CADM2: variants seen among roughly 807,000 people sequenced by gnomAD.
CADM2 encodes cell adhesion molecule 2, also known as immunoglobulin superfamily member 4D.
In CADM2, 12 loss-of-function variants were observed where a neutral mutation model predicts 49.8. The observed-to-expected ratio is 0.24, with a 90% CI of 0.15 to 0.39. The LOEUF (loss-of-function observed/expected upper bound fraction) is 0.39. CADM2 is among the 10% of genes least tolerant of loss of function. CADM2 has a pLI of 1.00. For missense variants in CADM2, 378 were observed against 492.3 expected (o/e 0.77, Z 2.20); for synonymous variants, 214 against 175.4 (o/e 1.22, Z -1.74).
At chr3:84,968,479 G>C (rs2031179631) in intron 1 of CADM2, among the ~76,000 whole-genome samples, 1 of 152,010 alleles carries the variant, frequency 6.6e-6, no homozygotes, top group African/African-American at 2.4e-5. Context: ...TTAATGTGTA[G>C]GTGGTATTCA....
intron 1 of CADM2, among the ~76,000 whole-genome samples, chr3:85,369,469 C>T (rs957838657): frequency 3.3e-5 from 5 of 152,102 alleles, no homozygotes; most frequent in African/African-American, 9.7e-5. Context: ...CCCATCTCTA[C>T]TGAAAATACA....
chr3:85,890,558 G>A (rs191171094), intron 5 of CADM2, among the ~76,000 whole-genome samples: 3 of 152,104 alleles, frequency 2.0e-5, no homozygotes, highest in Non-Finnish European at 2.9e-5. Context: ...ATAGATTATC[G>A]GACCCAGAAG....
chr3:85,430,744 C>T (rs2107520897), intron 1 of CADM2, among the ~76,000 whole-genome samples: 1 of 151,940 alleles, frequency 6.6e-6, no homozygotes, highest in East Asian at 1.9e-4. Context: ...AGATAAATAA[C>T]ACATTTGGAA....
chr3:85,962,608 G>A (rs1396355809), intron 8 of CADM2, among the ~76,000 whole-genome samples: 1 of 151,884 alleles, frequency 6.6e-6, no homozygotes. Context: ...GATATTGTTA[G>A]ATGGAGATGA....
At chr3:84,984,479 G>T (rs1214359178) in intron 1 of CADM2, among the ~76,000 whole-genome samples, 1 of 141,012 alleles carries the variant, frequency 7.1e-6, no homozygotes, top group Non-Finnish European at 1.5e-5. Context: ...CACCTCTATT[G>T]CCATAACCTT....
At chr3:85,016,666 A>G in intron 1 of CADM2, among the ~76,000 whole-genome samples, 1 of 151,930 alleles carries the variant, frequency 6.6e-6, no homozygotes, top group Non-Finnish European at 1.5e-5. Flanking sequence ...GAAGGTGCGC[A>G]CCTGTAATCC....
chr3:84,972,789 G>T (rs1346736714), intron 1 of CADM2, among the ~76,000 whole-genome samples: 3 of 152,188 alleles, frequency 2.0e-5, no homozygotes, highest in African/African-American at 7.2e-5. Flanking sequence ...AATGCTGGAT[G>T]TATAAATGAA....
intron 1 of CADM2, among the ~76,000 whole-genome samples, chr3:85,481,677 G>C (rs1011607724): frequency 6.6e-6 from 1 of 151,738 alleles, no homozygotes; most frequent in South Asian, 2.1e-4. Context: ...GAGAAGAAAA[G>C]CATTTAATAT....
intron 2 of CADM2, among the ~76,000 whole-genome samples, chr3:85,742,737 T>A (rs1402750249): frequency 6.6e-6 from 1 of 152,300 alleles, no homozygotes; most frequent in East Asian, 1.9e-4. Context: ...AATATGATCT[T>A]AGCATTTCAG....
chr3:85,803,760 G>A (rs964189603), intron 3 of CADM2, among the ~76,000 whole-genome samples: 1 of 151,948 alleles, frequency 6.6e-6, no homozygotes, highest in Non-Finnish European at 1.5e-5. Flanking sequence ...TCCACATTAT[G>A]GAGAATAATC....
intron 2 of CADM2, among the ~76,000 whole-genome samples, chr3:85,787,984 TG>T (rs987604083): frequency 4.6e-5 from 7 of 152,128 alleles, no homozygotes; most frequent in African/African-American, 1.2e-4. Flanking sequence ...CTGGCCCTGG[TG>T]TCTAACATTC....
At chr3:85,059,471 G>A (rs1416312156) in intron 1 of CADM2, among the ~76,000 whole-genome samples, 1 of 152,072 alleles carries the variant, frequency 6.6e-6, no homozygotes, top group Non-Finnish European at 1.5e-5. Flanking sequence ...ACTAAGAGTA[G>A]ACAAGTAAAT....
chr3:85,188,892 G>T (rs1326859977), intron 1 of CADM2, among the ~76,000 whole-genome samples: 2 of 151,632 alleles, frequency 1.3e-5, no homozygotes, highest in Non-Finnish European at 2.9e-5. Context: ...TTAGCCAGGC[G>T]TGGTGGCGGG....
intron 1 of CADM2, among the ~76,000 whole-genome samples, chr3:84,963,966 A>G (rs1431008120): frequency 6.6e-6 from 1 of 152,180 alleles, no homozygotes; most frequent in Non-Finnish European, 1.5e-5. Flanking sequence ...TGTGGCTTAA[A>G]TAGTCAAACA....
chr3:85,105,984 A>G (rs1225714130), intron 1 of CADM2, among the ~76,000 whole-genome samples: 1 of 152,106 alleles, frequency 6.6e-6, no homozygotes, highest in African/African-American at 2.4e-5. Flanking sequence ...TAGGAGATAT[A>G]CCTAATGCTA....
chr3:85,368,056 A>G (rs1454087593), intron 1 of CADM2, among the ~76,000 whole-genome samples: 1 of 152,110 alleles, frequency 6.6e-6, no homozygotes, highest in Non-Finnish European at 1.5e-5. Context: ...ACACACAAAA[A>G]TTAATTTTGG....
intron 1 of CADM2, among the ~76,000 whole-genome samples, chr3:85,431,619 G>A (rs887969178): frequency 1.3e-5 from 2 of 151,388 alleles, no homozygotes; most frequent in African/African-American, 4.8e-5. Context: ...ACCCTGAGGA[G>A]AAGGAAGGAT....
At chr3:85,456,383 A>ATTATGT (rs750521132) in intron 1 of CADM2, among the ~76,000 whole-genome samples, 158 of 152,252 alleles carry the variant, frequency 1.0e-3, no homozygotes, top group South Asian at 6.2e-4. Context: ...ATTATGTAAC[A>ATTATGT]CTTGGCTATT....
chr3:85,898,937 G>GTGTGTATATATATATATCTATATATA (rs796467067), intron 5 of CADM2, among the ~76,000 whole-genome samples: 1 of 46,680 alleles, frequency 2.1e-5, no homozygotes, highest in African/African-American at 1.1e-4. Flanking sequence ...CATTTATTGT[G>GTGTGTATATATATATATCTATATATA]TATATATATA....
Sources: gnomAD v4.1 joint callset for allele counts (sites outside exome capture counted in the v4.1 genomes callset) on GRCh38, gnomAD v4.1.1 for gene constraint, MANE v1.5 for transcripts, NCBI Gene and HGNC (gene_info 2026-07-23, HGNC 2026-07-21) for gene names.